Variants in NEK10 observed in about 807,000 individuals in gnomAD.
NEK10 encodes the protein serine/threonine-protein kinase Nek10.
Under a neutral mutation model 159.8 loss-of-function variants are expected in NEK10, and 122 were observed. The observed-to-expected ratio is 0.76, with a 90% confidence interval of 0.66 to 0.89. The LOEUF (loss-of-function observed/expected upper bound fraction) is 0.89, where lower values mean the gene tolerates loss of function less well. Ranked by LOEUF, NEK10 falls within the 40% of genes least tolerant of loss-of-function variation. NEK10 has a pLI of 0.00. For synonymous variants in NEK10, 466 were observed against 457.1 expected (o/e 1.02, Z -0.25); for missense variants, 1,342 against 1,323.1 (o/e 1.01, Z -0.22).
chr3:27,198,651 C>G (rs1464470482), intron 25 of NEK10, among the ~76,000 whole-genome samples: 1 of 152,080 alleles, frequency 6.6e-6, no homozygotes, highest in Non-Finnish European at 1.5e-5. Context: ...AAAATCAACT[C>G]AAGACAGATT....
At chr3:27,311,205 G>A (rs977300446) in intron 8 of NEK10, 189 bp from the exon 9 acceptor site, 4 of 436,994 alleles carry the variant, frequency 9.2e-6, no homozygotes, top group South Asian at 5.6e-5. Context: ...AAGCTCCACT[G>A]GTATTTATTT....
At chr3:27,307,375 C>A (rs184506706) in intron 11 of NEK10, among the ~76,000 whole-genome samples, 160 of 152,178 alleles carry the variant, frequency 1.1e-3, no homozygotes, top group Non-Finnish European at 1.6e-3. Flanking sequence ...GTTATTAGAA[C>A]AATATGCAGT....
chr3:27,246,691 C>T (rs185742455), intron 23 of NEK10, among the ~76,000 whole-genome samples: 9 of 152,064 alleles, frequency 5.9e-5, no homozygotes, highest in Non-Finnish European at 1.0e-4. Flanking sequence ...ATCCCCCCAA[C>T]CCCTGCCCAC....
At chr3:27,172,227 C>T (rs1037078698) in intron 28 of NEK10, among the ~76,000 whole-genome samples, 2 of 148,458 alleles carry the variant, frequency 1.3e-5, no homozygotes, top group Non-Finnish European at 3.0e-5. Context: ...CCCAGCTACT[C>T]GGGAGGCTAA....
rs192059774 is a variant in NEK10 at position 27,150,856 on chromosome 3, G to A, written c.2870-9274C>T. On this transcript the variant is annotated intron_variant, in intron 30 of 35. Coordinates refer to ENST00000691995, the MANE Select transcript of NEK10 (RefSeq NM_001394966.1). The stretch of plus-strand genomic sequence containing the variant: ...CCAGAAAGGATTCACTATTCTAGAT[G>A]TCATTAAAAACATGTATGCATTTTA... Among the ~76,000 whole-genome samples the A allele has an allele frequency of 6.0e-4, 91 of 152,272 alleles. 1 individual carries two copies. The highest frequency in any genetic ancestry group is 2.1e-3 in the African/African-American group (86 of 41,528).
chr3:27,213,942 C>T (rs2149110022), intron 23 of NEK10, among the ~76,000 whole-genome samples: 1 of 152,298 alleles, frequency 6.6e-6, no homozygotes, highest in Non-Finnish European at 1.5e-5. Flanking sequence ...AACTGAGAGT[C>T]TAGAACCTTT....
At chr3:27,264,932 A>G (rs1311578034) in intron 22 of NEK10, among the ~76,000 whole-genome samples, 1 of 129,562 alleles carries the variant, frequency 7.7e-6, no homozygotes, top group South Asian at 2.4e-4. Context: ...AAATAAATAA[A>G]TAAATAATAA....
intron 12 of NEK10, among the ~76,000 whole-genome samples, 180 bp from the exon 13 acceptor site, chr3:27,302,015 T>A (rs2043864153): frequency 6.6e-6 from 1 of 152,220 alleles, no homozygotes; most frequent in Admixed American, 6.5e-5. Flanking sequence ...ACCATTTTTT[T>A]ATGGTTACTG....
chr3:27,307,797 TAAC>T (rs1222590202), intron 11 of NEK10, 59 bp downstream of exon 11: 10 of 795,972 alleles, frequency 1.3e-5, no homozygotes, highest in African/African-American at 1.0e-4. Flanking sequence ...ATAAAAATAA[TAAC>T]AAGTGTATCT....
chr3:27,293,749 T>C, intron 15 of NEK10, 97 bp from the exon 16 acceptor site: 1 of 641,996 alleles, frequency 1.6e-6, no homozygotes, highest in Admixed American at 3.1e-5. Context: ...TAACGTGACT[T>C]TATTGTAAGT....
intron 5 of NEK10, among the ~76,000 whole-genome samples, chr3:27,324,708 T>G (rs774348107): frequency 2.6e-5 from 4 of 152,112 alleles, no homozygotes; most frequent in Non-Finnish European, 5.9e-5. Context: ...CTCTCACATC[T>G]GCCAAGATGA....
intron 22 of NEK10, among the ~76,000 whole-genome samples, chr3:27,274,550 G>T (rs571001904): frequency 3.9e-5 from 6 of 152,012 alleles, no homozygotes; most frequent in Non-Finnish European, 8.8e-5. Context: ...TGTACATATA[G>T]CTCTAACATT....
intron 22 of NEK10, chr3:27,278,607 C>T (rs2041933444): frequency 2.9e-6 from 2 of 695,414 alleles, no homozygotes; most frequent in South Asian, 1.3e-4. Flanking sequence ...GCAAGATGAA[C>T]ATGTGACCTT....
chr3:27,269,874 C>A (rs1316642101), intron 22 of NEK10, among the ~76,000 whole-genome samples: 1 of 152,142 alleles, frequency 6.6e-6, no homozygotes, highest in Non-Finnish European at 1.5e-5. Context: ...ATGAATGAGT[C>A]CTGACTGATA....
chr3:27,328,703 G>C (rs1235664919), intron 5 of NEK10, among the ~76,000 whole-genome samples: 1 of 152,118 alleles, frequency 6.6e-6, no homozygotes, highest in Non-Finnish European at 1.5e-5. Context: ...GACATAATCT[G>C]AAGGAGATCT....
intron 5 of NEK10, among the ~76,000 whole-genome samples, chr3:27,342,998 C>T (rs11708152): frequency 0.33 from 49,602 of 151,732 alleles, 10,173 homozygotes; most frequent in East Asian, 0.74. Context: ...GAACAGTGAC[C>T]CAATTACATA....
Position 27,115,077 on chromosome 3 carries a change from GA to G in NEK10, c.3299+862del, listed in dbSNP as rs1160463697. ...CTTTGTTCATATTTACAAAAGGCCA[GA>G]AAAAAACAGGGCATTAACACTTCCT... On this transcript the variant is annotated intron_variant, in intron 35 of 35. Coordinates refer to ENST00000691995, the MANE Select transcript of NEK10 (RefSeq NM_001394966.1). 2.6e-5 allele frequency among the ~76,000 whole-genome samples: 4 copies of G among 152,022 alleles called. No individual in the cohort carries two copies. The East Asian group carries it at 7.7e-4, about 29-fold the overall frequency.
intron 22 of NEK10, among the ~76,000 whole-genome samples, chr3:27,264,562 G>T (rs1205331650): frequency 1.3e-5 from 2 of 152,134 alleles, no homozygotes; most frequent in Non-Finnish European, 2.9e-5. Flanking sequence ...TAACAAACAT[G>T]CACATATAGC....
intron 22 of NEK10, among the ~76,000 whole-genome samples, chr3:27,267,878 T>C (rs962246843): frequency 6.6e-6 from 1 of 152,182 alleles, no homozygotes; most frequent in Non-Finnish European, 1.5e-5. Flanking sequence ...AGGCTGAAAG[T>C]TAGGCCTCTG....
Sources: allele counts gnomAD v4.1 joint callset (sites outside exome capture counted in the v4.1 genomes callset), GRCh38; gene constraint gnomAD v4.1.1; transcripts MANE v1.5; gene names NCBI Gene and HGNC (gene_info 2026-07-23, HGNC 2026-07-21).